The following GALNT6 variants were observed in gnomAD, a reference collection of about 807,000 sequenced individuals.
GALNT6 encodes the protein polypeptide N-acetylgalactosaminyltransferase 6.
In GALNT6, 51 loss-of-function variants were observed where a neutral mutation model predicts 65.9. The ratio of observed to expected loss-of-function variants is 0.77; its 90% CI spans 0.62 to 0.98. GALNT6 has a LOEUF of 0.98. GALNT6 is among the 50% of genes least tolerant of loss of function. The pLI is 0.00. For synonymous variants in GALNT6, 323 were observed against 315.1 expected (o/e 1.02, Z -0.26); for missense variants, 708 against 803.3 (o/e 0.88, Z 1.43).
intron 2 of GALNT6, among the ~76,000 whole-genome samples, chr12:51,380,110 C>T (rs1241908130): frequency 4.6e-5 from 7 of 152,174 alleles, no homozygotes; most frequent in Admixed American, 1.3e-4. Flanking sequence ...GTCACTGGAA[C>T]ACTGAAACAC....
At chr12:51,386,448 A>G (rs1024228702) in intron 2 of GALNT6, among the ~76,000 whole-genome samples, 15 of 152,210 alleles carry the variant, frequency 9.9e-5, no homozygotes, top group African/African-American at 2.9e-4. Context: ...TGGAAGTCCC[A>G]GGCAGCCTTA....
chr12:51,390,861 G>T lies in GALNT6; in HGVS notation c.-115C>A, dbSNP rs551625934. 2.6e-5 allele frequency: 4 copies of T among 152,392 alleles called. No homozygotes were observed. In the East Asian group the frequency reaches 5.8e-4, roughly 22 times the overall value. 9.4% of individuals were successfully genotyped at this position (152,392 alleles called of 1,614,324 possible). A position where few individuals can be genotyped will look rare whatever the true frequency, so the allele number is the denominator to read the frequency against. On this transcript the variant is annotated 5_prime_UTR_variant, in exon 2 of 12. Coordinates refer to ENST00000356317, the MANE Select transcript of GALNT6 (RefSeq NM_007210.4). ...GAGCCCCATCCTACCCTCTGCAGAC[G>T]TCTGGGTCTGCGATGATTGGCCCTG...
At chr12:51,388,204 C>A (rs183284129) in intron 2 of GALNT6, among the ~76,000 whole-genome samples, 59 of 152,352 alleles carry the variant, frequency 3.9e-4, no homozygotes, top group African/African-American at 1.3e-3. Flanking sequence ...TTTCTGCTTT[C>A]AAAACCTTCA....
Position 51,385,149 on chromosome 12 carries a change from C to T in GALNT6, c.-103-5265G>A, listed in dbSNP as rs145382955. ...GACCATAGGTGTGTGTCATCAAGACCGGCTAATTTTTATTTTTTGGTAGAG... is the reference window on the plus strand; with the variant it reads ...GACCATAGGTGTGTGTCATCAAGACTGGCTAATTTTTATTTTTTGGTAGAG... On this transcript the variant is annotated intron_variant, in intron 2 of 11. Transcript: ENST00000356317. 2.5e-3 allele frequency among the ~76,000 whole-genome samples: 377 copies of T among 152,028 alleles called. 1 individual carries two copies. Among genetic ancestry groups the T allele is most frequent in the African/African-American group, 7.9e-3 (329 of 41,478 alleles).
chr12:51,355,288 A>T (rs2137522846), intron 11 of GALNT6, among the ~76,000 whole-genome samples: 1 of 152,154 alleles, frequency 6.6e-6, no homozygotes, highest in South Asian at 2.1e-4. Context: ...CTAGCCACGA[A>T]CCATAACCTG....
In GALNT6 at chr12:51,359,338, G is replaced by A. The variant is rs377705138; in HGVS notation, c.1168-6C>T. ...TGGCCCCCACACTGCCACACCTGAT[G>A]TAAGAGGAGACAGGATGAGGCCTTC... is the stretch of plus-strand genomic sequence containing the variant. On this transcript the variant is annotated splice_region_variant and splice_polypyrimidine_tract_variant and intron_variant, in intron 7 of 11. Transcript: ENST00000356317. 5.0e-5 allele frequency: 80 copies of A among 1,600,494 alleles called. No individual in the cohort carries two copies. Among genetic ancestry groups the A allele is most frequent in the Non-Finnish European group, 5.8e-5 (68 of 1,171,548 alleles).
intron 5 of GALNT6, among the ~76,000 whole-genome samples, chr12:51,364,735 C>T (rs1203183042): frequency 6.6e-6 from 1 of 152,238 alleles, no homozygotes; most frequent in African/African-American, 2.4e-5. Context: ...ATCCGCATGT[C>T]AAGCTTCAGC....
intron 6 of GALNT6, 58 bp from the exon 7 acceptor site, chr12:51,360,896 G>T: frequency 8.4e-7 from 1 of 1,196,256 alleles, no homozygotes; most frequent in Non-Finnish European, 1.2e-6. Flanking sequence ...GCGGAGCCTG[G>T]CGGGGAAAGC....
intron 2 of GALNT6, among the ~76,000 whole-genome samples, chr12:51,385,919 C>T (rs148125371): frequency 9.9e-5 from 15 of 152,206 alleles, no homozygotes; most frequent in African/African-American, 3.6e-4. Flanking sequence ...TCTGCAGCCT[C>T]GACCTCCCAG....
intron 2 of GALNT6, among the ~76,000 whole-genome samples, chr12:51,385,420 C>T (rs919120476): frequency 6.6e-6 from 1 of 152,120 alleles, no homozygotes; most frequent in Non-Finnish European, 1.5e-5. Flanking sequence ...TAAATGATTC[C>T]ATTTTCAAAT....
chr12:51,371,859 GT>G (rs1947303815), intron 4 of GALNT6, among the ~76,000 whole-genome samples: 1 of 152,202 alleles, frequency 6.6e-6, no homozygotes, highest in South Asian at 2.1e-4. Context: ...ACACAGTCCT[GT>G]TTGTGTGTGT....
chr12:51,381,683 C>T (rs1246470083), intron 2 of GALNT6, among the ~76,000 whole-genome samples: 3 of 152,174 alleles, frequency 2.0e-5, no homozygotes, highest in Admixed American at 6.5e-5. Context: ...GCCTCAATTT[C>T]CTCATCTATA....
chr12:51,381,721 C>G (rs879600547), intron 2 of GALNT6, among the ~76,000 whole-genome samples: 1 of 152,220 alleles, frequency 6.6e-6, no homozygotes, highest in Non-Finnish European at 1.5e-5. Context: ...ACCTAACTCA[C>G]AGGGTTGTGG....
intron 11 of GALNT6, 116 bp from the exon 12 acceptor site, chr12:51,354,608 AGAG>A: frequency 1.6e-6 from 1 of 644,024 alleles, no homozygotes; most frequent in East Asian, 3.2e-5. Context: ...CAAGGCACAA[AGAG>A]GACACTTCCC....
rs143478393 is a variant in GALNT6 at position 51,379,438 on chromosome 12, G to T, written c.344C>A (p.Ala115Glu). ...GCTCTTCTGAAATGCTTTTCCATCT[G>T]CCCCAGGGGCATTGGGGTCCTGTGG... is the stretch of plus-strand genomic sequence containing the variant. ...RPPQDPNAPG[A>E]DGKAFQKSKW... Residue 115 changes from alanine (A) to glutamate (E), a missense_variant, in exon 3 of 12, where the codon GCA (alanine) becomes GAA (glutamate). Ala to Glu is a moderately radical substitution (Grantham distance 107). Coordinates refer to ENST00000356317, the MANE Select transcript of GALNT6 (RefSeq NM_007210.4). 4.9e-4 allele frequency: 798 copies of T among 1,613,630 alleles called. 3 individuals carry two copies. The African/African-American group carries it at 8.4e-3, about 17-fold the overall frequency.
intron 10 of GALNT6, 47 bp downstream of exon 10, chr12:51,357,302 G>A: frequency 8.2e-7 from 1 of 1,214,620 alleles, no homozygotes; most frequent in Non-Finnish European, 1.2e-6. Flanking sequence ...TAGAGAAAAG[G>A]AGCCGGTGAG....
chr12:51,390,562 G>C (rs1486188080), intron 2 of GALNT6, among the ~76,000 whole-genome samples: 1 of 152,162 alleles, frequency 6.6e-6, no homozygotes, highest in Admixed American at 6.5e-5. Context: ...TGATGGGAAG[G>C]GAGACAGCTC....
chr12:51,354,674 T>C (rs1447479433), intron 11 of GALNT6, among the ~76,000 whole-genome samples, 182 bp from the exon 12 acceptor site: 1 of 152,166 alleles, frequency 6.6e-6, no homozygotes, highest in Non-Finnish European at 1.5e-5. Flanking sequence ...CACCTCTATC[T>C]GGTGCCAAAT....
rs1456768812 is a variant in GALNT6 at position 51,379,809 on chromosome 12, G to C, written c.-28C>G. On this transcript the variant is annotated 5_prime_UTR_variant, in exon 3 of 12. Transcript: ENST00000356317. The stretch of plus-strand genomic sequence containing the variant: ...TCCAGAACCAAGGGGCACCCCAGCT[G>C]CGTCAGCTCTGAGTCCTGAGCCCAA... 2 of 1,579,738 alleles carry C rather than the reference G, an allele frequency of 1.3e-6. No homozygotes were observed. The highest frequency in any genetic ancestry group is 4.5e-5 in the East Asian group (2 of 44,298).
Sources: gnomAD v4.1 joint callset for allele counts (sites outside exome capture counted in the v4.1 genomes callset) on GRCh38, gnomAD v4.1.1 for gene constraint, MANE v1.5 for transcripts, NCBI Gene and HGNC (gene_info 2026-07-23, HGNC 2026-07-21) for gene names.